PCDHGB5: variants seen among roughly 807,000 people sequenced by gnomAD.
The protein encoded by PCDHGB5 is protocadherin gamma subfamily B, 5, also known as protocadherin gamma-B5.
Under a neutral mutation model 62.9 loss-of-function variants are expected in PCDHGB5, and 48 were observed. The ratio of observed to expected loss-of-function variants is 0.76; its 90% CI spans 0.61 to 0.97. The LOEUF (loss-of-function observed/expected upper bound fraction) is 0.97, where lower values mean the gene tolerates loss of function less well. Ranked by LOEUF, PCDHGB5 falls within the 50% of genes least tolerant of loss-of-function variation. The pLI is 0.00. For missense variants in PCDHGB5, 1,118 were observed against 1,198.6 expected (o/e 0.93, Z 0.99); for synonymous variants, 474 against 511.2 (o/e 0.93, Z 0.98).
At chr5:141,420,457 T>A in intron 1 of PCDHGB5, 1 of 927,890 alleles carries the variant, frequency 1.1e-6, no homozygotes. Flanking sequence ...TTCCTACTAT[T>A]CAAAGACATT....
chr5:141,437,719 TA>T (rs1316054877), intron 1 of PCDHGB5, among the ~76,000 whole-genome samples: 1 of 151,332 alleles, frequency 6.6e-6, no homozygotes, highest in African/African-American at 2.4e-5. Context: ...AGTTACCCTC[TA>T]ATGTTACACT....
rs368585389 is a variant in PCDHGB5, at chr5:141,419,428, G to A, written c.2397+18904G>A. On this transcript the variant is annotated intron_variant, in intron 1 of 3. Coordinates refer to ENST00000617380, the MANE Select transcript of PCDHGB5 (RefSeq NM_018925.3). ...TCGCGCAGCGCGCCTTCGACCACGAGCAGCTGCGCACCTTCGAGCTCACGC... is the reference window on the plus strand; with the variant it reads ...TCGCGCAGCGCGCCTTCGACCACGAACAGCTGCGCACCTTCGAGCTCACGC... 4 of 1,613,192 alleles carry A rather than the reference G, an allele frequency of 2.5e-6. No individual in the cohort carries two copies. In the African/African-American group the frequency reaches 4.0e-5, roughly 16 times the overall value.
intron 1 of PCDHGB5, among the ~76,000 whole-genome samples, chr5:141,430,383 G>GA (rs139772145): frequency 0.061 from 8,436 of 138,452 alleles, 243 homozygotes; most frequent in South Asian, 0.089. Context: ...AGCTCATTGG[G>GA]AAAAAAAAAA....
chr5:141,434,784 A>C (rs967716221), intron 1 of PCDHGB5, among the ~76,000 whole-genome samples: 1 of 150,278 alleles, frequency 6.7e-6, no homozygotes, highest in African/African-American at 2.5e-5. Flanking sequence ...AAAAAAAAAA[A>C]TTTTTTTTTC....
At position 141,460,338 on chromosome 5, in the gene PCDHGB5, T is replaced by C. The variant is rs1180912204; in HGVS notation, c.2398-34469T>C. Among the ~76,000 whole-genome samples, 4 of 152,222 alleles carry C rather than the reference T, an allele frequency of 2.6e-5. No homozygotes were observed. The East Asian group carries it at 7.7e-4, about 29-fold the overall frequency. On this transcript the variant is annotated intron_variant, in intron 1 of 3. Transcript: ENST00000617380. ...GCCTACTGAAAACTTATGATGATTT[T>C]CTCCTATATTTTCTTTTAGAAGTTT...
chr5:141,426,492 T>C (rs1439487321), intron 1 of PCDHGB5: 2 of 336,712 alleles, frequency 5.9e-6, no homozygotes, highest in African/African-American at 4.3e-5. Context: ...TTAGAGTTAG[T>C]GCAGAGAAAC....
At chr5:141,416,641 C>A (rs996381588) in intron 1 of PCDHGB5, 1 of 152,056 alleles carries the variant, frequency 6.6e-6, no homozygotes, top group Non-Finnish European at 1.5e-5. Context: ...AAACACCAAC[C>A]ACAGCTGTAA....
chr5:141,490,180 C>T lies in PCDHGB5; in HGVS notation c.2398-4627C>T, dbSNP rs747366205. On this transcript the variant is annotated intron_variant, in intron 1 of 3. Coordinates refer to ENST00000617380, the MANE Select transcript of PCDHGB5 (RefSeq NM_018925.3). This position sits in a 1 kb window ranked among gnomAD's most constrained non-coding sequence, Gnocchi z 5.4. ...GGGTCCCATAGACTTTGAGGAGTCACGTTTCTATGAAATTCATGCAAGAGC... is the reference window on the plus strand; with the variant it reads ...GGGTCCCATAGACTTTGAGGAGTCATGTTTCTATGAAATTCATGCAAGAGC... 3 of 1,614,208 alleles carry T rather than the reference C, an allele frequency of 1.9e-6. No individual in the cohort carries two copies. Among genetic ancestry groups the T allele is most frequent in the East Asian group, 2.2e-5 (1 of 44,882 alleles).
At chr5:141,404,707 C>G in intron 1 of PCDHGB5, 1 of 1,614,122 alleles carries the variant, frequency 6.2e-7, no homozygotes, top group Non-Finnish European at 8.5e-7. Context: ...CAGAGCCTGG[C>G]TACCTGGTGA....
chr5:141,414,903 C>A, intron 1 of PCDHGB5: 2 of 1,614,218 alleles, frequency 1.2e-6, no homozygotes, highest in Non-Finnish European at 1.7e-6. Flanking sequence ...CAGACGGTTC[C>A]ACAGGCGTGG....
Position 141,490,241 on chromosome 5 carries a change from G to T in PCDHGB5, c.2398-4566G>T. 2 of 1,614,246 alleles carry T rather than the reference G, an allele frequency of 1.2e-6. No individual in the cohort carries two copies. Among genetic ancestry groups the T allele is most frequent in the Non-Finnish European group, 1.7e-6 (2 of 1,180,048 alleles). On this transcript the variant is annotated intron_variant, in intron 1 of 3. Transcript: ENST00000617380. This position sits in a 1 kb window ranked among gnomAD's most constrained non-coding sequence, Gnocchi z 5.4. Reference sequence around the variant, plus strand: ...GGACAGCCTGCCATGGAGGGCCACTGTGTGATTCAAGTGGATGTGGGGGAT... The same window carrying T: ...GGACAGCCTGCCATGGAGGGCCACTTTGTGATTCAAGTGGATGTGGGGGAT...
intron 1 of PCDHGB5, chr5:141,442,107 C>A: frequency 6.0e-6 from 1 of 166,198 alleles, no homozygotes; most frequent in Non-Finnish European, 1.3e-5. Flanking sequence ...CCACCACTAC[C>A]GCCCCTCGTC....
Position 141,423,884 on chromosome 5 carries a change from T to C in PCDHGB5, c.2397+23360T>C, listed in dbSNP as rs1253750785. On this transcript the variant is annotated intron_variant, in intron 1 of 3. Transcript: ENST00000617380. ...TGAAAGTCATTTTTCAATCTTGGCA[T>C]ATTTTCTTTTGATTTCAAAGGGGCC... The C allele has an allele frequency of 6.2e-6, 8 of 1,282,566 alleles. No individual in the cohort carries two copies. In the African/African-American group the frequency reaches 1.2e-4, roughly 20 times the overall value. 79.4% of individuals were successfully genotyped at this position (1,282,566 alleles called of 1,614,324 possible). A position where few individuals can be genotyped will look rare whatever the true frequency, so the allele number is the denominator to read the frequency against.
intron 1 of PCDHGB5, among the ~76,000 whole-genome samples, chr5:141,462,736 T>C (rs2099045667): frequency 6.6e-6 from 1 of 152,274 alleles, no homozygotes; most frequent in South Asian, 2.1e-4. Flanking sequence ...TTGTCACCTC[T>C]GTAATTCCTA....
intron 1 of PCDHGB5, among the ~76,000 whole-genome samples, chr5:141,452,350 A>G (rs1355934993): frequency 6.6e-6 from 1 of 152,212 alleles, no homozygotes; most frequent in Admixed American, 6.5e-5. Context: ...CCATTTATCC[A>G]AAAGCCTTGC....
intron 1 of PCDHGB5, chr5:141,404,513 G>A: frequency 1.2e-6 from 2 of 1,613,786 alleles, no homozygotes; most frequent in Non-Finnish European, 1.7e-6. Context: ...GTGCTCCTTT[G>A]ACTATGAGCA....
At position 141,487,444 on chromosome 5, in the gene PCDHGB5, T is replaced by G; in HGVS notation, c.2398-7363T>G. 1 of 1,614,194 alleles carries G rather than the reference T, an allele frequency of 6.2e-7. No individual in the cohort carries two copies. The highest frequency in any genetic ancestry group is 8.5e-7 in the Non-Finnish European group (1 of 1,180,040). ...TCCTCCGAATCCAGCTAGGGTCAGA[T>G]GACCCTATCAAGTTTGTTGATGTGG... On this transcript the variant is annotated intron_variant, in intron 1 of 3. Transcript: ENST00000617380. This position sits in a 1 kb window ranked among gnomAD's most constrained non-coding sequence, Gnocchi z 5.0.
intron 1 of PCDHGB5, chr5:141,409,314 C>G: frequency 1.9e-6 from 3 of 1,613,878 alleles, no homozygotes; most frequent in Non-Finnish European, 2.5e-6. Flanking sequence ...CTCTTCAAAA[C>G]ACGGGATCTG....
intron 1 of PCDHGB5, among the ~76,000 whole-genome samples, chr5:141,456,907 G>A (rs1430292511): frequency 6.6e-6 from 1 of 152,108 alleles, no homozygotes; most frequent in Non-Finnish European, 1.5e-5. Flanking sequence ...AGGTTGCAGT[G>A]AGCCGAGATC....
Sources: allele counts gnomAD v4.1 joint callset (sites outside exome capture counted in the v4.1 genomes callset), GRCh38; gene constraint gnomAD v4.1.1; non-coding constraint Gnocchi (gnomAD v3.1); transcripts MANE v1.5; gene names NCBI Gene and HGNC (gene_info 2026-07-23, HGNC 2026-07-21).